The following BMPR2 variants were observed in gnomAD, a reference collection of about 807,000 sequenced individuals.
BMPR2 encodes the protein bone morphogenetic protein receptor type 2.
A neutral mutation model predicts 100.8 loss-of-function variants in BMPR2; 29 were observed. That is an observed-to-expected ratio of 0.29 (90% CI 0.21 to 0.39). BMPR2 has a LOEUF of 0.39. BMPR2 is among the 10% of genes least tolerant of loss of function. The pLI is 1.00. For synonymous variants in BMPR2, 382 were observed against 442.3 expected (o/e 0.86, Z 1.71); for missense variants, 1,011 against 1,274.5 (o/e 0.79, Z 3.15).
At chr2:202,534,250 T>A (rs1255642959) in intron 9 of BMPR2, among the ~76,000 whole-genome samples, 2 of 148,668 alleles carry the variant, frequency 1.3e-5, no homozygotes, top group Non-Finnish European at 3.0e-5. Context: ...AAATTTTTAT[T>A]TATTTATTTA....
At chr2:202,538,999 G>A (rs929745617) in intron 9 of BMPR2, among the ~76,000 whole-genome samples, 6 of 152,036 alleles carry the variant, frequency 3.9e-5, no homozygotes, top group East Asian at 1.9e-4. Flanking sequence ...GTTATGAGTC[G>A]ATGCACTCCT....
intron 1 of BMPR2, among the ~76,000 whole-genome samples, chr2:202,394,515 G>A (rs1427792688): frequency 6.6e-6 from 1 of 152,194 alleles, no homozygotes; most frequent in African/African-American, 2.4e-5. Context: ...TGCCTGCTAT[G>A]TGTCAAGTGA....
chr2:202,443,296 A>G (rs1350493913), intron 1 of BMPR2, among the ~76,000 whole-genome samples: 1 of 150,732 alleles, frequency 6.6e-6, no homozygotes, highest in East Asian at 1.9e-4. Flanking sequence ...ATTCTTTTAT[A>G]CAGTGGGAAA....
intron 1 of BMPR2, among the ~76,000 whole-genome samples, chr2:202,405,687 CAAAAAAAA>C (rs397987374): frequency 1.6e-5 from 1 of 62,300 alleles, no homozygotes; most frequent in South Asian, 5.4e-4. Flanking sequence ...GACTCCGCCT[CAAAAAAAA>C]AAAAAAAAAA....
intron 1 of BMPR2, among the ~76,000 whole-genome samples, chr2:202,463,600 A>T (rs1297259507): frequency 6.6e-6 from 1 of 152,248 alleles, no homozygotes; most frequent in Non-Finnish European, 1.5e-5. Context: ...TTAGCTAATC[A>T]AACACATTAG....
intron 3 of BMPR2, among the ~76,000 whole-genome samples, chr2:202,491,921 A>G (rs1055304758): frequency 3.3e-5 from 5 of 152,220 alleles, no homozygotes; most frequent in African/African-American, 4.8e-5. Flanking sequence ...TATTGTCATT[A>G]TAGTCCCCAG....
At chr2:202,535,660 G>C (rs375671278) in intron 9 of BMPR2, among the ~76,000 whole-genome samples, 1 of 151,718 alleles carries the variant, frequency 6.6e-6, no homozygotes, top group Non-Finnish European at 1.5e-5. Context: ...AGGCAGAGAC[G>C]CTCCTCACTT....
In BMPR2 at chr2:202,394,952, C is replaced by G. The variant is rs544729058; in HGVS notation, c.76+17402C>G. ...CCAGGCTGGAGTGCAGTGGCGCAAT[C>G]TCGGCTCACTGCAACCTCCGCCTCC... On this transcript the variant is annotated intron_variant, in intron 1 of 12. Coordinates refer to ENST00000374580, the MANE Select transcript of BMPR2 (RefSeq NM_001204.7). 9.2e-4 allele frequency among the ~76,000 whole-genome samples: 139 copies of G among 151,288 alleles called. 1 individual carries two copies. The highest frequency in any genetic ancestry group is 3.2e-3 in the African/African-American group (131 of 41,194).
At chr2:202,497,534 G>A (rs544785257) in intron 3 of BMPR2, among the ~76,000 whole-genome samples, 106 of 152,278 alleles carry the variant, frequency 7.0e-4, no homozygotes, top group African/African-American at 2.4e-3. Flanking sequence ...ACCAGCTTCC[G>A]CTTTTCCTGT....
At chr2:202,507,485 G>T (rs1048467387) in intron 3 of BMPR2, among the ~76,000 whole-genome samples, 2 of 152,146 alleles carry the variant, frequency 1.3e-5, no homozygotes, top group African/African-American at 2.4e-5. Context: ...GAACTGCTGG[G>T]CATGAGCAGT....
chr2:202,516,800 C>T (rs111470833), intron 5 of BMPR2, among the ~76,000 whole-genome samples: 2,850 of 152,270 alleles, frequency 0.019, 47 homozygotes, highest in Middle Eastern at 0.041. Flanking sequence ...AGAAACACTT[C>T]CAAACATTGC....
intron 3 of BMPR2, among the ~76,000 whole-genome samples, chr2:202,504,415 A>G (rs1274834393): frequency 6.6e-6 from 1 of 152,060 alleles, no homozygotes; most frequent in African/African-American, 2.4e-5. Flanking sequence ...AAGAGCTGTA[A>G]CACTCACCGC....
intron 1 of BMPR2, among the ~76,000 whole-genome samples, chr2:202,458,283 C>CAAAAAAAAAAAAAAAA (rs71035009): frequency 3.8e-5 from 2 of 52,310 alleles, no homozygotes; most frequent in African/African-American, 7.5e-5. Context: ...CTTGTCTCTG[C>CAAAAAAAAAAAAAAAA]AAAAAAAAAA....
chr2:202,393,931 G>T lies in BMPR2; in HGVS notation c.76+16381G>T, dbSNP rs563369199. ...AGAGAGAGAGAGAGAGAGAGAGAGA[G>T]AGATTCCTGTGAGATTCAGCTGAGT... On this transcript the variant is annotated intron_variant, in intron 1 of 12. Transcript: ENST00000374580. Among the ~76,000 whole-genome samples, 40 of 123,862 alleles carry T rather than the reference G, an allele frequency of 3.2e-4. 1 individual carries two copies. In the South Asian group the frequency reaches 8.1e-3, roughly 25 times the overall value. The allele number at this position is 123,862 out of a possible 152,430, so 81.3% of individuals were successfully genotyped here. A position where few individuals can be genotyped will look rare whatever the true frequency, so the allele number is the denominator to read the frequency against.
intron 1 of BMPR2, among the ~76,000 whole-genome samples, chr2:202,436,383 C>T (rs1691615259): frequency 6.7e-6 from 1 of 150,168 alleles, no homozygotes; most frequent in South Asian, 2.1e-4. Flanking sequence ...GTGATTGAGG[C>T]TGCAGTGAGC....
intron 3 of BMPR2, among the ~76,000 whole-genome samples, chr2:202,470,153 C>G (rs1339272891): frequency 6.6e-6 from 1 of 151,758 alleles, no homozygotes; most frequent in Non-Finnish European, 1.5e-5. Context: ...ACCATCCTGG[C>G]CAACATGGTG....
Position 202,495,327 on chromosome 2 carries a change from C to T in BMPR2, c.419-18392C>T, listed in dbSNP as rs1014536557. ...AGATGGTTTTCTCCTGGAGTTGGGC[C>T]GCTTGGTGGCCAGGGCTCTCCTCCG... On this transcript the variant is annotated intron_variant, in intron 3 of 12. Transcript: ENST00000374580. The surrounding 1 kb of genome is among the most constrained non-coding windows in gnomAD (Gnocchi z 4.5). 1.4e-4 allele frequency among the ~76,000 whole-genome samples: 21 copies of T among 152,270 alleles called. No individual in the cohort carries two copies. Among genetic ancestry groups the T allele is most frequent in the Middle Eastern group, 3.4e-3 (1 of 294 alleles).
intron 7 of BMPR2, among the ~76,000 whole-genome samples, chr2:202,524,095 G>T (rs1413256973): frequency 6.6e-6 from 1 of 152,132 alleles, no homozygotes; most frequent in African/African-American, 2.4e-5. Context: ...GGACGCGGTG[G>T]CTCACGCCTG....
intron 1 of BMPR2, among the ~76,000 whole-genome samples, chr2:202,454,539 T>C (rs1050157267): frequency 6.6e-6 from 1 of 152,202 alleles, no homozygotes; most frequent in Non-Finnish European, 1.5e-5. Flanking sequence ...CCTACTAACT[T>C]ATCTAGTTAC....
Sources: allele counts gnomAD v4.1 joint callset (sites outside exome capture counted in the v4.1 genomes callset), GRCh38; gene constraint gnomAD v4.1.1; non-coding constraint Gnocchi (gnomAD v3.1); transcripts MANE v1.5; gene names NCBI Gene and HGNC (gene_info 2026-07-23, HGNC 2026-07-21).